Variants in TLK1 observed in about 807,000 individuals in gnomAD.
TLK1 encodes the protein serine/threonine-protein kinase tousled-like 1.
Under a neutral mutation model 105.3 loss-of-function variants are expected in TLK1, and 24 were observed. The observed-to-expected ratio is 0.23, with a 90% CI of 0.17 to 0.32. TLK1 has a LOEUF of 0.32. Ranked by LOEUF, TLK1 falls within the 10% of genes least tolerant of loss-of-function variation. TLK1 has a pLI of 1.00. For missense variants in TLK1, 558 were observed against 910.5 expected, an observed-to-expected ratio of 0.61 and a Z score of 4.98; for synonymous variants, 321 against 310.4, an observed-to-expected ratio of 1.03 and a Z score of -0.36.
At chr2:171,019,702 G>A (rs2676151) in intron 12 of TLK1, among the ~76,000 whole-genome samples, 56,390 of 151,950 alleles carry the variant, frequency 0.37, 11,432 homozygotes, top group African/African-American at 0.51. Flanking sequence ...AGAAGAATAT[G>A]GCTTGGAACA....
intron 1 of TLK1, chr2:171,153,770 C>A (rs1692131807): frequency 6.6e-6 from 1 of 152,176 alleles, no homozygotes; most frequent in African/African-American, 2.4e-5. Flanking sequence ...CCGGGTATCA[C>A]ACTGTTATTT....
At chr2:171,013,548 T>C (rs140967838) in intron 13 of TLK1, among the ~76,000 whole-genome samples, 105 of 151,628 alleles carry the variant, frequency 6.9e-4, no homozygotes, top group African/African-American at 2.5e-3. Context: ...TCAATCAATT[T>C]GCTTGCACTG....
chr2:171,100,474 T>G (rs537489465), intron 2 of TLK1, among the ~76,000 whole-genome samples: 1 of 152,088 alleles, frequency 6.6e-6, no homozygotes, highest in Non-Finnish European at 1.5e-5. Context: ...TTCACACATA[T>G]CCACTTCCCC....
chr2:171,222,485 C>T (rs1391498349), intron 1 of TLK1, among the ~76,000 whole-genome samples: 1 of 152,118 alleles, frequency 6.6e-6, no homozygotes, highest in East Asian at 1.9e-4. Context: ...CGCACATCAC[C>T]ATGCCTGCCT....
At chr2:171,147,554 A>C (rs1575628763) in intron 1 of TLK1, among the ~76,000 whole-genome samples, 1 of 152,018 alleles carries the variant, frequency 6.6e-6, no homozygotes, top group Non-Finnish European at 1.5e-5. Flanking sequence ...TGTTTTAACT[A>C]TCACTATTAT....
chr2:171,095,348 A>G (rs1030937589), intron 2 of TLK1, among the ~76,000 whole-genome samples: 1 of 152,170 alleles, frequency 6.6e-6, no homozygotes, highest in African/African-American at 2.4e-5. Context: ...TGGATCCTTG[A>G]AAACAAAATT....
chr2:171,219,611 T>G (rs1314068848), intron 1 of TLK1, among the ~76,000 whole-genome samples: 1 of 151,806 alleles, frequency 6.6e-6, no homozygotes. Context: ...CACCTTTTTT[T>G]TTTTTTTGAG....
At chr2:171,060,956 A>G in intron 4 of TLK1, 125 bp downstream of exon 4, 1 of 842,336 alleles carries the variant, frequency 1.2e-6, no homozygotes, top group Admixed American at 2.7e-5. Context: ...TACACTAACT[A>G]CCTGTGCACA....
chr2:171,208,409 G>A (rs967989002), intron 1 of TLK1, among the ~76,000 whole-genome samples: 2 of 151,990 alleles, frequency 1.3e-5, no homozygotes, highest in Non-Finnish European at 2.9e-5. Context: ...AATGCTCAAG[G>A]AAACTGATTT....
intron 3 of TLK1, among the ~76,000 whole-genome samples, chr2:171,077,794 AAG>A (rs754647478): frequency 5.9e-5 from 9 of 152,260 alleles, no homozygotes; most frequent in Non-Finnish European, 1.2e-4. Context: ...ACAAGTGTAA[AAG>A]AATACAAATG....
chr2:170,994,388 C>T (rs1391597694), intron 20 of TLK1, among the ~76,000 whole-genome samples: 1 of 152,002 alleles, frequency 6.6e-6, no homozygotes, highest in East Asian at 1.9e-4. Flanking sequence ...GAAGAGATCA[C>T]TGAAGGGACA....
chr2:171,140,183 G>T (rs1427792445), intron 1 of TLK1, among the ~76,000 whole-genome samples: 1 of 152,124 alleles, frequency 6.6e-6, no homozygotes, highest in Non-Finnish European at 1.5e-5. Context: ...AGGAGAAAAA[G>T]ATTCAGATTC....
At chr2:171,141,602 A>G (rs1043068584) in intron 1 of TLK1, among the ~76,000 whole-genome samples, 1 of 152,208 alleles carries the variant, frequency 6.6e-6, no homozygotes, top group African/African-American at 2.4e-5. Flanking sequence ...AAGGAGCAAC[A>G]GTAAGACTGA....
At chr2:171,050,289 C>T (rs1037543602) in intron 8 of TLK1, 115 bp from the exon 9 acceptor site, 5 of 617,190 alleles carry the variant, frequency 8.1e-6, no homozygotes, top group Non-Finnish European at 1.3e-5. Flanking sequence ...TATTAAATAT[C>T]TGAGTATGAT....
chr2:171,201,057 T>C (rs1389088035), intron 1 of TLK1, among the ~76,000 whole-genome samples: 1 of 152,004 alleles, frequency 6.6e-6, no homozygotes, highest in African/African-American at 2.4e-5. Context: ...AAGTTTTTTG[T>C]ATTTTTAGTA....
intron 2 of TLK1, among the ~76,000 whole-genome samples, chr2:171,090,107 A>T (rs781357445): frequency 1.7e-4 from 26 of 152,132 alleles, no homozygotes; most frequent in Non-Finnish European, 1.0e-4. Flanking sequence ...TCATTTACTA[A>T]GGCCTTTTCT....
At chr2:170,993,993 C>G in intron 20 of TLK1, 37 bp from the exon 21 acceptor site, 1 of 1,537,220 alleles carries the variant, frequency 6.5e-7, no homozygotes, top group Non-Finnish European at 8.8e-7. Flanking sequence ...AATTAATGAT[C>G]TTTTTCCCTT....
At chr2:171,159,719 C>A (rs2105611916) in intron 1 of TLK1, 1 of 152,436 alleles carries the variant, frequency 6.6e-6, no homozygotes, top group Non-Finnish European at 1.5e-5. Flanking sequence ...TCTAGGGGGC[C>A]ACACAGGGGA....
At chr2:171,125,132 T>C (rs1690815080) in intron 1 of TLK1, among the ~76,000 whole-genome samples, 2 of 152,232 alleles carry the variant, frequency 1.3e-5, no homozygotes, top group South Asian at 4.1e-4. Context: ...ATGGCTTTCC[T>C]TGCTTGGCAA....
Sources: allele counts gnomAD v4.1 joint callset (sites outside exome capture counted in the v4.1 genomes callset), GRCh38; gene constraint gnomAD v4.1.1; transcripts MANE v1.5; gene names NCBI Gene and HGNC (gene_info 2026-07-23, HGNC 2026-07-21).